Variants in PLCG2 observed in about 807,000 individuals in gnomAD.
The protein encoded by PLCG2 is 1-phosphatidylinositol 4,5-bisphosphate phosphodiesterase gamma-2.
In PLCG2, 69 loss-of-function variants were observed where a neutral mutation model predicts 175.6. The ratio of observed to expected loss-of-function variants is 0.39; its 90% CI spans 0.32 to 0.48. The LOEUF (loss-of-function observed/expected upper bound fraction) is 0.48. PLCG2 is among the 20% of genes least tolerant of loss of function. The pLI is 0.91. For synonymous variants in PLCG2, 827 were observed against 624.0 expected (o/e 1.33, Z -4.85); for missense variants, 1,798 against 1,650.9 (o/e 1.09, Z -1.54).
chr16:81,897,788 T>G, intron 13 of PLCG2: 1 of 453,996 alleles, frequency 2.2e-6, no homozygotes, highest in Non-Finnish European at 4.4e-6. Flanking sequence ...CAGGTGATCC[T>G]CCCGCCTCAA....
intron 1 of PLCG2, 119 bp downstream of exon 1, chr16:81,779,543 C>A (rs1458498359): frequency 6.6e-6 from 1 of 151,990 alleles, no homozygotes; most frequent in Non-Finnish European, 1.5e-5. Context: ...CCGGAGCGGG[C>A]AGGGACGGGG....
At chr16:81,909,331 G>C (rs56258157) in intron 17 of PLCG2, among the ~76,000 whole-genome samples, 62,340 of 151,998 alleles carry the variant, frequency 0.41, 13,640 homozygotes, top group East Asian at 0.82. Flanking sequence ...AAGTCTGTGA[G>C]GAAGGCTCTG....
intron 5 of PLCG2, among the ~76,000 whole-genome samples, chr16:81,864,796 G>C (rs1314958835): frequency 4.6e-5 from 7 of 152,170 alleles, no homozygotes; most frequent in Admixed American, 4.6e-4. Flanking sequence ...ATGGCTGCCT[G>C]GGTGCGGGAG....
intron 2 of PLCG2, among the ~76,000 whole-genome samples, chr16:81,787,148 G>A (rs1375854076): frequency 6.6e-6 from 1 of 152,164 alleles, no homozygotes; most frequent in Non-Finnish European, 1.5e-5. Context: ...TAACTCCAGA[G>A]AAGGGCATTT....
chr16:81,946,166 C>G lies in PLCG2; in HGVS notation c.3482-9C>G, dbSNP rs370666956. On this transcript the variant is annotated splice_polypyrimidine_tract_variant and intron_variant, in intron 30 of 32. Coordinates refer to ENST00000564138, the MANE Select transcript of PLCG2 (RefSeq NM_002661.5). ...CTGCCTTTGCATTTTCCTCCTTGTTCTGCTTCAGGATTCAGGTCCGTTCCT... is the reference window on the plus strand; with the variant it reads ...CTGCCTTTGCATTTTCCTCCTTGTTGTGCTTCAGGATTCAGGTCCGTTCCT... 4 of 1,609,658 alleles carry G rather than the reference C, an allele frequency of 2.5e-6. No individual in the cohort carries two copies. In the African/African-American group the frequency reaches 4.0e-5, roughly 16 times the overall value.
chr16:81,947,689 C>A (rs967038511), intron 31 of PLCG2, among the ~76,000 whole-genome samples: 2 of 152,158 alleles, frequency 1.3e-5, no homozygotes, highest in African/African-American at 4.8e-5. Flanking sequence ...ACTTTACACA[C>A]CTTCTGAAGA....
chr16:81,838,738 C>T (rs970569319), intron 2 of PLCG2, among the ~76,000 whole-genome samples: 10 of 150,776 alleles, frequency 6.6e-5, no homozygotes, highest in Admixed American at 3.3e-4. Context: ...AACAAACCTG[C>T]ACGTTCCGCA....
chr16:81,752,736 C>A (rs906521895), intron 1 of PLCG2, among the ~76,000 whole-genome samples: 2 of 152,242 alleles, frequency 1.3e-5, no homozygotes, highest in Non-Finnish European at 2.9e-5. Flanking sequence ...CCACTCCTTG[C>A]ACGGCCAGGG....
intron 2 of PLCG2, among the ~76,000 whole-genome samples, chr16:81,816,699 A>C (rs1262853155): frequency 2.6e-5 from 3 of 113,246 alleles, no homozygotes; most frequent in African/African-American, 1.1e-4. Flanking sequence ...GTGGGATCTC[A>C]CTATGTTGTC....
intron 1 of PLCG2, among the ~76,000 whole-genome samples, chr16:81,748,107 T>A (rs945555947): frequency 1.3e-5 from 2 of 152,160 alleles, no homozygotes; most frequent in African/African-American, 4.8e-5. Flanking sequence ...ACTCCTGACC[T>A]CAGATGATCC....
Position 81,958,045 on chromosome 16 carries a change from T to G in PLCG2, c.*47T>G, listed in dbSNP as rs768064219. ...GGTATTGTGTGTGTGCGCATGTGTG[T>G]TTGCATGTAGGAGAACGTGCCCTAT... On this transcript the variant is annotated 3_prime_UTR_variant, in exon 33 of 33. Transcript: ENST00000564138. 5 of 1,380,646 alleles carry G rather than the reference T, an allele frequency of 3.6e-6. No homozygotes were observed. Among genetic ancestry groups the G allele is most frequent in the Non-Finnish European group, 4.1e-6 (4 of 967,100 alleles). The allele number at this position is 1,380,646 out of a possible 1,614,324, so 85.5% of individuals were successfully genotyped here.
intron 30 of PLCG2, among the ~76,000 whole-genome samples, chr16:81,940,796 T>G (rs1299457955): frequency 6.6e-6 from 1 of 152,154 alleles, no homozygotes; most frequent in East Asian, 1.9e-4. Context: ...AAAAACTGGC[T>G]CTCCTTAGCT....
At chr16:81,794,179 C>G (rs999196938) in intron 2 of PLCG2, among the ~76,000 whole-genome samples, 1 of 152,132 alleles carries the variant, frequency 6.6e-6, no homozygotes, top group African/African-American at 2.4e-5. Context: ...ACCACAAACA[C>G]AGCCTGGAAA....
rs41307921 is a variant in PLCG2, at chr16:81,923,348, C to A, written c.2308-137C>A. ...GATCCTTTGCAATGCCAGTCCCTCT[C>A]CAGCAGATGACTTTGTAACCTTGGC... On this transcript the variant is annotated intron_variant, in intron 21 of 32. Coordinates refer to ENST00000564138, the MANE Select transcript of PLCG2 (RefSeq NM_002661.5). The A allele has an allele frequency of 6.5e-3, 3,862 of 594,272 alleles. 29 individuals are homozygous for A. Among genetic ancestry groups the A allele is most frequent in the Non-Finnish European group, 9.5e-3 (3,143 of 330,342 alleles). 36.8% of individuals were successfully genotyped at this position (594,272 alleles called of 1,614,324 possible). A position where few individuals can be genotyped will look rare whatever the true frequency, so the allele number is the denominator to read the frequency against.
At chr16:81,771,410 CT>C (rs2143110407) in intron 2 of PLCG2, among the ~76,000 whole-genome samples, 1 of 152,284 alleles carries the variant, frequency 6.6e-6, no homozygotes, top group South Asian at 2.1e-4. Flanking sequence ...GAAACACAGC[CT>C]TGTTTTAGAC....
At chr16:81,778,202 C>G (rs1910539774), upstream of PLCG2, among the ~76,000 whole-genome samples, 1 of 152,010 alleles carries the variant, frequency 6.6e-6, no homozygotes, top group Admixed American at 6.6e-5. Flanking sequence ...ATAGTGAGAC[C>G]TCATGTCGAA....
At chr16:81,939,607 C>T (rs1017888201) in intron 29 of PLCG2, among the ~76,000 whole-genome samples, 3 of 101,598 alleles carry the variant, frequency 3.0e-5, no homozygotes, top group African/African-American at 1.5e-4. Context: ...GCTCTGCAAA[C>T]AAACACCTCC....
chr16:81,778,206 T>C (rs140211608), upstream of PLCG2, among the ~76,000 whole-genome samples: 222 of 152,032 alleles, frequency 1.5e-3, 1 homozygote, highest in African/African-American at 5.2e-3. Context: ...TGAGACCTCA[T>C]GTCGAAAAAA....
chr16:81,765,439 T>A (rs1295921820), intron 2 of PLCG2, among the ~76,000 whole-genome samples: 1 of 152,256 alleles, frequency 6.6e-6, no homozygotes, highest in Non-Finnish European at 1.5e-5. Context: ...AAGACCAGCC[T>A]GGGCTACATG....
Sources: allele counts gnomAD v4.1 joint callset (sites outside exome capture counted in the v4.1 genomes callset), GRCh38; gene constraint gnomAD v4.1.1; transcripts MANE v1.5; gene names NCBI Gene and HGNC (gene_info 2026-07-23, HGNC 2026-07-21).